The following PCSK5 variants were observed in gnomAD, a reference collection of about 807,000 sequenced individuals.
PCSK5 encodes the protein proprotein convertase subtilisin/kexin type 5, also known as prohormone convertase 5.
PCSK5 carries 129 observed loss-of-function variants against 233.2 expected under a neutral mutation model. That is an observed-to-expected ratio of 0.55 (90% CI 0.48 to 0.64). PCSK5 has a LOEUF of 0.64. PCSK5 is among the 30% of genes least tolerant of loss of function. The probability of loss-of-function intolerance (pLI) is 0.00; values close to 1 mark genes in which losing one functional copy is unlikely to be tolerated. For synonymous variants in PCSK5, 825 were observed against 879.2 expected (o/e 0.94, Z 1.09); for missense variants, 2,076 against 2,430.1 (o/e 0.85, Z 3.06).
At chr9:76,068,336 T>A (rs187702186) in intron 6 of PCSK5, among the ~76,000 whole-genome samples, 1 of 152,290 alleles carries the variant, frequency 6.6e-6, no homozygotes, top group East Asian at 1.9e-4. Flanking sequence ...TGTACCAAAA[T>A]GCTACAATTG....
intron 5 of PCSK5, among the ~76,000 whole-genome samples, chr9:76,040,397 C>CTGTCTCTCTG (rs1587537519): frequency 1.4e-4 from 17 of 121,596 alleles, no homozygotes; most frequent in Admixed American, 5.9e-4. Flanking sequence ...CTCTCTCTCT[C>CTGTCTCTCTG]TCTCTCTCTC....
intron 24 of PCSK5, among the ~76,000 whole-genome samples, chr9:76,242,650 T>C (rs1433560827): frequency 6.6e-6 from 1 of 152,218 alleles, no homozygotes; most frequent in African/African-American, 2.4e-5. Flanking sequence ...AGAGCAATGA[T>C]GAATGTTTTG....
chr9:76,039,011 C>G (rs1026014981), intron 5 of PCSK5, among the ~76,000 whole-genome samples: 2 of 152,190 alleles, frequency 1.3e-5, no homozygotes, highest in Non-Finnish European at 2.9e-5. Context: ...ACCAATTTCA[C>G]TGTTACATTT....
intron 2 of PCSK5, among the ~76,000 whole-genome samples, chr9:75,962,808 A>C (rs748435041): frequency 2.0e-4 from 30 of 152,190 alleles, no homozygotes; most frequent in Non-Finnish European, 4.3e-4. Context: ...AATGGGACCC[A>C]CAGAAGTGCT....
intron 8 of PCSK5, among the ~76,000 whole-genome samples, chr9:76,102,516 G>A (rs1338826985): frequency 6.6e-6 from 1 of 152,046 alleles, no homozygotes; most frequent in African/African-American, 2.4e-5. Context: ...TGTCATTTTG[G>A]CGTCCCAAAA....
chr9:76,158,598 G>A (rs1397163928), intron 11 of PCSK5, among the ~76,000 whole-genome samples: 1 of 152,174 alleles, frequency 6.6e-6, no homozygotes, highest in East Asian at 1.9e-4. Context: ...TTCTCACAGT[G>A]TATTCCATAG....
chr9:76,040,355 C>CTG (rs1829050091), intron 5 of PCSK5, among the ~76,000 whole-genome samples: 2 of 84,460 alleles, frequency 2.4e-5, no homozygotes, highest in African/African-American at 4.6e-5. Flanking sequence ...CTCTCTCTCT[C>CTG]TCTCTCTCTC....
Position 75,976,274 on chromosome 9 carries a change from CCACACACACACACACACA to C in PCSK5, c.298-9826_298-9809del, listed in dbSNP as rs10562995. 3.4e-4 allele frequency among the ~76,000 whole-genome samples: 48 copies of C among 141,590 alleles called. No homozygotes were observed. The South Asian group carries it at 4.4e-3, about 13-fold the overall frequency. The allele number at this position is 141,590 out of a possible 152,430, so 92.9% of individuals were successfully genotyped here. A position where few individuals can be genotyped will look rare whatever the true frequency, so the allele number is the denominator to read the frequency against. On this transcript the variant is annotated intron_variant, in intron 2 of 37. Coordinates refer to ENST00000674117, the MANE Select transcript of PCSK5 (RefSeq NM_001372043.1). Reference sequence around the variant, plus strand: ...CATGTTGGGTGCATACACACAGACACCACACACACACACACACACACACACACACACACACACACACAC... The same window carrying C: ...CATGTTGGGTGCATACACACAGACACCACACACACACACACACACACACAC...
intron 5 of PCSK5, among the ~76,000 whole-genome samples, chr9:76,064,138 A>AC (rs59681372): frequency 0.14 from 12,181 of 88,568 alleles, 597 homozygotes; most frequent in Non-Finnish European, 0.18. Flanking sequence ...CGGAGGGCTG[A>AC]CCCCCCCACC....
At chr9:76,294,558 A>C (rs1389978658) in intron 25 of PCSK5, among the ~76,000 whole-genome samples, 1 of 152,148 alleles carries the variant, frequency 6.6e-6, no homozygotes, top group Non-Finnish European at 1.5e-5. Context: ...TTAAAATCCC[A>C]GTCCCACCGT....
intron 36 of PCSK5, 143 bp downstream of exon 36, chr9:76,351,071 TC>T (rs1830110169): frequency 1.8e-6 from 1 of 553,276 alleles, no homozygotes; most frequent in Admixed American, 3.8e-5. Flanking sequence ...TTTAAAACCT[TC>T]TACCGTTGCA....
chr9:75,996,298 C>T (rs974698240), intron 3 of PCSK5, among the ~76,000 whole-genome samples: 9 of 151,914 alleles, frequency 5.9e-5, no homozygotes, highest in Non-Finnish European at 4.4e-5. Flanking sequence ...TTCCAAGAAC[C>T]TATATTATTC....
Position 76,135,091 on chromosome 9 carries a change from C to G in PCSK5, c.1312+879C>G, listed in dbSNP as rs142509275. Among the ~76,000 whole-genome samples, 890 of 152,080 alleles carry G rather than the reference C, an allele frequency of 5.9e-3. 8 individuals carry two copies. Among genetic ancestry groups the G allele is most frequent in the African/African-American group, 0.02 (847 of 41,500 alleles). ...ATACAGTGTTCCATAGCACAGGGCA[C>G]ATCTCCTTAAAAATTGAGGTTCTGA... On this transcript the variant is annotated intron_variant, in intron 10 of 37. Transcript: ENST00000674117.
chr9:76,163,267 G>A (rs1822947282), intron 12 of PCSK5, among the ~76,000 whole-genome samples: 1 of 152,228 alleles, frequency 6.6e-6, no homozygotes, highest in Admixed American at 6.5e-5. Flanking sequence ...TGAACACGTT[G>A]ATGTAGTCTG....
intron 34 of PCSK5, among the ~76,000 whole-genome samples, chr9:76,336,329 T>C (rs758630528): frequency 5.9e-5 from 9 of 152,224 alleles, no homozygotes; most frequent in Non-Finnish European, 1.3e-4. Context: ...AAAAGCCTAT[T>C]GGGACCTGTA....
intron 20 of PCSK5, chr9:76,194,143 C>A (rs1272345368): frequency 6.6e-6 from 1 of 152,332 alleles, no homozygotes; most frequent in Non-Finnish European, 1.5e-5. Context: ...TGCAGAGGTA[C>A]ATAGATGAGC....
At chr9:76,032,881 G>A (rs914439161) in intron 5 of PCSK5, among the ~76,000 whole-genome samples, 11 of 152,284 alleles carry the variant, frequency 7.2e-5, no homozygotes, top group African/African-American at 2.4e-4. Context: ...TGAAACCACA[G>A]CATTATATTT....
At chr9:76,193,255 C>A (rs761314125) in intron 20 of PCSK5, 2 of 1,613,302 alleles carry the variant, frequency 1.2e-6, no homozygotes, top group East Asian at 2.2e-5. Context: ...GAGTCCTGGG[C>A]GGAAGGAGGC....
intron 11 of PCSK5, 53 bp downstream of exon 11, chr9:76,157,215 C>G: frequency 8.6e-7 from 1 of 1,163,892 alleles, no homozygotes; most frequent in Non-Finnish European, 1.3e-6. Flanking sequence ...TAGAGCAAGC[C>G]AGTCAATTGC....
Sources: allele counts gnomAD v4.1 joint callset (sites outside exome capture counted in the v4.1 genomes callset), GRCh38; gene constraint gnomAD v4.1.1; transcripts MANE v1.5; gene names NCBI Gene and HGNC (gene_info 2026-07-23, HGNC 2026-07-21).